SLC4A10: variants seen among roughly 807,000 people sequenced by gnomAD.
The protein encoded by SLC4A10 is solute carrier family 4 member 10.
Under a neutral mutation model 137.7 loss-of-function variants are expected in SLC4A10, and 42 were observed. That is an observed-to-expected ratio of 0.30 (90% confidence interval 0.24 to 0.39). The LOEUF is 0.39. Ranked by LOEUF, SLC4A10 falls within the 10% of genes least tolerant of loss-of-function variation. The pLI, the probability that SLC4A10 is intolerant of heterozygous loss-of-function variation, is 1.00. For missense variants in SLC4A10, 925 were observed against 1,355.0 expected, an observed-to-expected ratio of 0.68 and a Z score of 4.98; for synonymous variants, 474 against 464.1, an observed-to-expected ratio of 1.02 and a Z score of -0.27.
At chr2:161,827,835 G>T (rs986960672) in intron 3 of SLC4A10, among the ~76,000 whole-genome samples, 25 of 152,160 alleles carry the variant, frequency 1.6e-4, no homozygotes, top group African/African-American at 5.8e-4. Flanking sequence ...AAAGTGCTGG[G>T]ATTACAGGCG....
At chr2:161,708,028 A>G (rs1436460869) in intron 1 of SLC4A10, among the ~76,000 whole-genome samples, 3 of 151,246 alleles carry the variant, frequency 2.0e-5, no homozygotes, top group Non-Finnish European at 3.0e-5. Flanking sequence ...TGCATGTTAA[A>G]CTTTTTAGAA....
chr2:161,641,397 T>C (rs1574048403), intron 1 of SLC4A10, among the ~76,000 whole-genome samples: 1 of 128,182 alleles, frequency 7.8e-6, no homozygotes, highest in Non-Finnish European at 1.8e-5. Flanking sequence ...TAAGCCCCCC[T>C]ATATGTTGTA....
intron 1 of SLC4A10, among the ~76,000 whole-genome samples, chr2:161,696,145 G>A (rs2042475389): frequency 6.7e-6 from 1 of 149,008 alleles, no homozygotes; most frequent in Non-Finnish European, 1.5e-5. Context: ...TCCCACCTAT[G>A]CATGAGAACA....
At chr2:161,980,303 C>G (rs1049150293) in intron 26 of SLC4A10, among the ~76,000 whole-genome samples, 6 of 151,938 alleles carry the variant, frequency 3.9e-5, no homozygotes, top group East Asian at 1.9e-4. Context: ...TTTCTTTGCT[C>G]TGATTGCCTA....
Position 161,923,582 on chromosome 2 carries a change from C to A in SLC4A10, c.1997+17695C>A, listed in dbSNP as rs1006457491. Among the ~76,000 whole-genome samples, 4 of 152,070 alleles carry A rather than the reference C, an allele frequency of 2.6e-5. No individual in the cohort carries two copies. The South Asian group carries it at 8.3e-4, about 32-fold the overall frequency. On this transcript the variant is annotated intron_variant, in intron 15 of 26. Transcript: ENST00000446997. ...AGCAAACTATCGCGAGGACAAAAAA[C>A]CAAACACTGCATGTTCTCACTCACA...
At chr2:161,767,127 A>T (rs1370975340) in intron 1 of SLC4A10, among the ~76,000 whole-genome samples, 2 of 82,828 alleles carry the variant, frequency 2.4e-5, no homozygotes, top group African/African-American at 1.1e-4. Flanking sequence ...ATATATATAT[A>T]TATATATATA....
chr2:161,771,190 C>G, intron 2 of SLC4A10, 136 bp downstream of exon 2: 1 of 641,080 alleles, frequency 1.6e-6, no homozygotes, highest in South Asian at 1.9e-5. Context: ...AGGGGTACAT[C>G]TGATTGTTTT....
At chr2:161,672,076 G>A (rs1277830818) in intron 1 of SLC4A10, among the ~76,000 whole-genome samples, 1 of 152,110 alleles carries the variant, frequency 6.6e-6, no homozygotes, top group East Asian at 1.9e-4. Flanking sequence ...GTCACGATAA[G>A]CACGTAGGGT....
rs1008753722 is a variant in SLC4A10, at chr2:161,799,382, A to T, written c.131-5067A>T. On this transcript the variant is annotated intron_variant, in intron 2 of 26. Transcript: ENST00000446997. ...AGCTATCCGGGTGAAAAATTCAATT[A>T]TGGATATTGGAAAAATTGATGGTAA... 2.0e-5 allele frequency among the ~76,000 whole-genome samples: 3 copies of T among 151,858 alleles called. No homozygotes were observed. The Admixed American group carries it at 2.0e-4, about 10-fold the overall frequency.
At chr2:161,815,677 G>T (rs1005833020) in intron 3 of SLC4A10, among the ~76,000 whole-genome samples, 1 of 152,036 alleles carries the variant, frequency 6.6e-6, no homozygotes, top group African/African-American at 2.4e-5. Flanking sequence ...TCAACCTCAA[G>T]GATTTTTATT....
At chr2:161,767,199 T>TATATATACAC in intron 1 of SLC4A10, among the ~76,000 whole-genome samples, 4 of 112,128 alleles carry the variant, frequency 3.6e-5, no homozygotes, top group African/African-American at 1.3e-4. Context: ...TGTGTGTGTG[T>TATATATACAC]GTGTATATAT....
At chr2:161,953,033 A>G (rs1695067456) in intron 19 of SLC4A10, among the ~76,000 whole-genome samples, 1 of 152,188 alleles carries the variant, frequency 6.6e-6, no homozygotes, top group Non-Finnish European at 1.5e-5. Flanking sequence ...AAGCATTTTC[A>G]GCTTTTACTA....
intron 15 of SLC4A10, among the ~76,000 whole-genome samples, chr2:161,911,782 CT>C (rs1397552921): frequency 6.6e-6 from 1 of 152,038 alleles, no homozygotes; most frequent in African/African-American, 2.4e-5. Context: ...TCTGAAAATG[CT>C]TCTCACAACT....
chr2:161,738,398 G>A (rs1416683452), intron 1 of SLC4A10, among the ~76,000 whole-genome samples: 1 of 152,184 alleles, frequency 6.6e-6, no homozygotes, highest in Non-Finnish European at 1.5e-5. Context: ...CTGTCTCATG[G>A]TTGGAGAGGA....
At chr2:161,856,280 C>A (rs906719951) in intron 5 of SLC4A10, among the ~76,000 whole-genome samples, 4 of 151,482 alleles carry the variant, frequency 2.6e-5, no homozygotes, top group South Asian at 2.1e-4. Context: ...ATAGGCACTG[C>A]AGTATGTGTG....
chr2:161,891,476 TG>T (rs1329557443), intron 10 of SLC4A10, among the ~76,000 whole-genome samples: 2 of 152,112 alleles, frequency 1.3e-5, no homozygotes, highest in Non-Finnish European at 2.9e-5. Flanking sequence ...CCATATTTCT[TG>T]GAGGCATTGT....
At chr2:161,847,828 A>G (rs2059597146) in intron 4 of SLC4A10, among the ~76,000 whole-genome samples, 1 of 152,184 alleles carries the variant, frequency 6.6e-6, no homozygotes, top group African/African-American at 2.4e-5. Flanking sequence ...TAGTGCTGCA[A>G]TGAACATACA....
chr2:161,885,783 A>G (rs1197735814), intron 10 of SLC4A10, among the ~76,000 whole-genome samples: 1 of 152,168 alleles, frequency 6.6e-6, no homozygotes, highest in South Asian at 2.1e-4. Flanking sequence ...AGAAATTTAA[A>G]AAGTATGTGT....
intron 8 of SLC4A10, among the ~76,000 whole-genome samples, chr2:161,878,385 A>C (rs994241074): frequency 9.2e-5 from 14 of 152,108 alleles, no homozygotes; most frequent in African/African-American, 2.7e-4. Context: ...TTTATTGTTA[A>C]GGATATTTTG....
Sources: gnomAD v4.1 joint callset for allele counts (sites outside exome capture counted in the v4.1 genomes callset) on GRCh38, gnomAD v4.1.1 for gene constraint, MANE v1.5 for transcripts, NCBI Gene and HGNC (gene_info 2026-07-23, HGNC 2026-07-21) for gene names.